The following NUBP2 variants were observed in gnomAD, a reference collection of about 807,000 sequenced individuals.
The protein encoded by NUBP2 is cytosolic Fe-S cluster assembly factor NUBP2.
A neutral mutation model predicts 24.9 loss-of-function variants in NUBP2; 23 were observed. The ratio of observed to expected loss-of-function variants is 0.92; its 90% CI spans 0.66 to 1.31. The LOEUF is 1.31. Ranked by LOEUF, NUBP2 falls within the 50% of genes most tolerant of loss-of-function variation. The pLI, the probability that NUBP2 is intolerant of heterozygous loss-of-function variation, is 0.00. For synonymous variants in NUBP2, 186 were observed against 170.9 expected (o/e 1.09, Z -0.69); for missense variants, 403 against 386.5 (o/e 1.04, Z -0.36).
At chr16:1,787,216 A>C in intron 3 of NUBP2, 1 of 446,374 alleles carries the variant, frequency 2.2e-6, no homozygotes, top group Non-Finnish European at 4.0e-6. Flanking sequence ...CTGAGGCCCC[A>C]GTGTGGCAGG....
At position 1,783,036 on chromosome 16, in the gene NUBP2, G is replaced by A; in HGVS notation, c.16G>A (p.Glu6Lys). MEAAA[E>K]PGNLAGVRHI... ...AGGCGGCGGGATGGAGGCGGCGGCC[G>A]GTGAGTGGCGGGCCAGGGTGCGGAG... Residue 6 changes from glutamate (E) to lysine (K), a missense_variant and splice_region_variant, in exon 1 of 7, where the codon GAG becomes AAG. By Grantham distance (56) the Glu-to-Lys change is moderately conservative. Transcript: ENST00000262302. The A allele has an allele frequency of 1.5e-6, 2 of 1,360,294 alleles. No homozygotes were observed. The highest frequency in any genetic ancestry group is 1.9e-6 in the Non-Finnish European group (2 of 1,051,470). 84.3% of individuals were successfully genotyped at this position (1,360,294 alleles called of 1,614,324 possible).
intron 1 of NUBP2, chr16:1,785,173 G>C (rs573844270): frequency 2.3e-5 from 23 of 997,988 alleles, no homozygotes; most frequent in Non-Finnish European, 2.7e-5. Flanking sequence ...CGCCTTCCTC[G>C]GGGAGATGGT....
chr16:1,787,823 A>T lies in NUBP2; in HGVS notation c.481A>T (p.Thr161Ser). 1 of 1,610,774 alleles carries T rather than the reference A, an allele frequency of 6.2e-7. No individual in the cohort carries two copies. Among genetic ancestry groups the T allele is most frequent in the Non-Finnish European group, 8.5e-7 (1 of 1,179,364 alleles). The change falls in exon 4 of 7, where the codon ACG becomes TCG. Residue 161 changes from threonine to serine, a missense_variant. Thr to Ser is a moderately conservative substitution (Grantham distance 58). Transcript: ENST00000262302. ...GCCCCTGGGGGCCCTCGTGGTCACC[A>T]CGCCCCAGGTAGCGCTGCGGCACCT... ...YQPLGALVVTTPQAVSVGDVR... is the reference protein window; with the variant it reads ...YQPLGALVVTSPQAVSVGDVR...
intron 1 of NUBP2, chr16:1,785,849 G>C (rs1896938678): frequency 7.8e-7 from 1 of 1,289,140 alleles, no homozygotes; most frequent in African/African-American, 1.5e-5. Flanking sequence ...GGACCTGTCG[G>C]GGATGGAGCA....
At chr16:1,787,560 C>T (rs1192525545) in intron 3 of NUBP2, 117 bp from the exon 4 acceptor site, 2 of 1,354,912 alleles carry the variant, frequency 1.5e-6, no homozygotes, top group Non-Finnish European at 2.0e-6. Flanking sequence ...AGGCTGGTGG[C>T]AAGTGACACC....
chr16:1,783,202 G>C, intron 1 of NUBP2, 166 bp downstream of exon 1: 4 of 1,171,806 alleles, frequency 3.4e-6, no homozygotes, highest in Non-Finnish European at 4.2e-6. Context: ...TTCTAAACAG[G>C]GTCGTTTCCC....
chr16:1,783,394 A>G (rs1192171979), intron 1 of NUBP2: 16 of 1,056,788 alleles, frequency 1.5e-5, no homozygotes, highest in African/African-American at 3.4e-5. Context: ...CAAGAGCGAG[A>G]CCCTGTCTCT....
intron 3 of NUBP2, chr16:1,787,358 A>G: frequency 2.2e-6 from 1 of 455,666 alleles, no homozygotes; most frequent in Non-Finnish European, 3.9e-6. Flanking sequence ...CACCACGGAG[A>G]ATGTGGGTGC....
intron 1 of NUBP2, chr16:1,786,331 T>C: frequency 1.7e-6 from 1 of 593,158 alleles, no homozygotes; most frequent in Non-Finnish European, 3.0e-6. Flanking sequence ...GCCGTGGTCT[T>C]AGAGGGTCCC....
Position 1,786,833 on chromosome 16 carries a change from A to G in NUBP2, c.212A>G (p.Gln71Arg). ...GGGGCGCAGGGCAGGGCTGTGCACC[A>G]GTGCGACCGCGGCTGGGCACCCGTC... ...MLGAQGRAVH[Q>R]CDRGWAPVFL... Residue 71 changes from glutamine to arginine, a missense_variant, in exon 3 of 7, where the codon CAG becomes CGG. Transcript: ENST00000262302. 6.2e-7 allele frequency: 1 copy of G among 1,600,418 alleles called. No individual in the cohort carries two copies. Among genetic ancestry groups the G allele is most frequent in the Non-Finnish European group, 8.5e-7 (1 of 1,170,722 alleles).
In NUBP2 at chr16:1,782,963, A is replaced by G. The variant is rs1896788172; in HGVS notation, c.-58A>G. 4.2e-6 allele frequency: 6 copies of G among 1,414,922 alleles called. No individual in the cohort carries two copies. The highest frequency in any genetic ancestry group is 5.5e-6 in the Non-Finnish European group (6 of 1,083,322). 87.6% of individuals were successfully genotyped at this position (1,414,922 alleles called of 1,614,324 possible). A position where few individuals can be genotyped will look rare whatever the true frequency, so the allele number is the denominator to read the frequency against. ...TGGAAGGCCCTTCGCTCTAGCTGGG[A>G]GGCTGACGGCCCGCGGGCGTAAGCG... On this transcript the variant is annotated 5_prime_UTR_variant, in exon 1 of 7. Transcript: ENST00000262302.
At chr16:1,786,064 T>C in intron 1 of NUBP2, 2 of 1,082,596 alleles carry the variant, frequency 1.8e-6, no homozygotes, top group Non-Finnish European at 2.4e-6. Context: ...CCGGGGACGC[T>C]GGTGTGTGAC....
In NUBP2 at chr16:1,787,981, G is replaced by A; in HGVS notation, c.530G>A (p.Cys177Tyr). Reference sequence around the variant, plus strand: ...GACGTGAGGCGCGAGCTGACCTTCTGTAGGAAGACGGGCTTGCGGGTGATG... The same window carrying A: ...GACGTGAGGCGCGAGCTGACCTTCTATAGGAAGACGGGCTTGCGGGTGATG... ...VGDVRRELTF[C>Y]RKTGLRVMGI... The change falls in exon 5 of 7, where the codon TGT (cysteine) becomes TAT (tyrosine). Residue 177 changes from cysteine to tyrosine, a missense_variant. Physicochemically the swap from Cys to Tyr is radical, Grantham distance 194. Transcript: ENST00000262302. 3.7e-6 allele frequency: 6 copies of A among 1,605,400 alleles called. No individual in the cohort carries two copies. Among genetic ancestry groups the A allele is most frequent in the Non-Finnish European group, 5.1e-6 (6 of 1,177,446 alleles).
chr16:1,784,353 G>A (rs1271147726), intron 1 of NUBP2: 1 of 152,142 alleles, frequency 6.6e-6, no homozygotes, highest in Non-Finnish European at 1.5e-5. Flanking sequence ...GCCTCTCAGA[G>A]TGCTGGGATT....
In NUBP2 at chr16:1,782,977, C is replaced by T. The variant is rs544909668; in HGVS notation, c.-44C>T. On this transcript the variant is annotated 5_prime_UTR_variant, in exon 1 of 7. Coordinates refer to ENST00000262302, the MANE Select transcript of NUBP2 (RefSeq NM_012225.4). The stretch of plus-strand genomic sequence containing the variant: ...CTCTAGCTGGGAGGCTGACGGCCCG[C>T]GGGCGTAAGCGGACTGCAGCCGCGA... 1 of 1,401,352 alleles carries T rather than the reference C, an allele frequency of 7.1e-7. No individual in the cohort carries two copies. Among genetic ancestry groups the T allele is most frequent in the Non-Finnish European group, 9.3e-7 (1 of 1,076,420 alleles). The allele number at this position is 1,401,352 out of a possible 1,614,324, so 86.8% of individuals were successfully genotyped here.
intron 1 of NUBP2, chr16:1,785,953 G>A (rs1041414248): frequency 1.3e-5 from 16 of 1,245,892 alleles, no homozygotes; most frequent in South Asian, 6.7e-5. Flanking sequence ...AGCCCCTGCC[G>A]TGTGGCAGGG....
At chr16:1,784,629 C>CAGG (rs1896877683) in intron 1 of NUBP2, 3 of 151,834 alleles carry the variant, frequency 2.0e-5, no homozygotes, top group African/African-American at 7.3e-5. Context: ...TGGTCTCGAA[C>CAGG]TCCTGACCTC....
chr16:1,788,923 C>A lies in NUBP2; in HGVS notation c.*209C>A. 1.6e-6 allele frequency: 1 copy of A among 618,944 alleles called. No individual in the cohort carries two copies. The allele number at this position is 618,944 out of a possible 1,614,324, so 38.3% of individuals were successfully genotyped here. ...GGCCTGCAGTGCCGTGGTCTGCGTG[C>A]TCTGCAGCTGTGAGACGGGGGCGGC... On this transcript the variant is annotated 3_prime_UTR_variant, in exon 7 of 7. Coordinates refer to ENST00000262302, the MANE Select transcript of NUBP2 (RefSeq NM_012225.4).
chr16:1,787,546 A>T, intron 3 of NUBP2, 131 bp from the exon 4 acceptor site: 1 of 1,225,330 alleles, frequency 8.2e-7, no homozygotes, highest in Non-Finnish European at 1.2e-6. Context: ...AGAGCCTGTG[A>T]TGGAGGCTGG....
Sources: gnomAD v4.1 joint callset for allele counts on GRCh38, gnomAD v4.1.1 for gene constraint, MANE v1.5 for transcripts, NCBI Gene and HGNC (gene_info 2026-07-23, HGNC 2026-07-21) for gene names.